Variants in INTS1 observed in about 807,000 individuals in gnomAD.
INTS1 encodes the protein integrator complex subunit 1.
INTS1 carries 137 observed loss-of-function variants against 241.6 expected under a neutral mutation model. The ratio of observed to expected loss-of-function variants is 0.57; its 90% confidence interval spans 0.49 to 0.65. INTS1 has a LOEUF of 0.65. Among genes scored for constraint, INTS1 ranks in the 30% least tolerant of loss-of-function variants. The pLI is 0.00. For synonymous variants in INTS1, 1,692 were observed against 1,337.8 expected (o/e 1.26, Z -5.78); for missense variants, 3,073 against 3,032.2 (o/e 1.01, Z -0.32).
Position 1,480,366 on chromosome 7 carries a change from T to A in INTS1, c.4025A>T (p.Gln1342Leu). 6.2e-7 allele frequency: 1 copy of A among 1,612,220 alleles called. No homozygotes were observed. Among genetic ancestry groups the A allele is most frequent in the South Asian group, 1.1e-5 (1 of 90,938 alleles). The change falls in exon 30 of 48, where the codon CAG becomes CTG. Residue 1342 changes from glutamine (Q) to leucine (L), a missense_variant. Coordinates refer to ENST00000404767, the MANE Select transcript of INTS1 (RefSeq NM_001080453.3). The part of the protein sequence containing the change: ...IGQGRIRVGT[Q>L]LRVLGPEDDL... ...GTCCTCAGGGCCCAGCACCCGGAGCTGGGTCCCCACCCGAATCCGGCCCTG... is the reference window on the plus strand; with the variant it reads ...GTCCTCAGGGCCCAGCACCCGGAGCAGGGTCCCCACCCGAATCCGGCCCTG...
rs185756544 is a variant in INTS1 at position 1,485,298 on chromosome 7, G to A, written c.3148C>T (p.Leu1050=). ...DSVRSTTALA[L]QQAIHMETDP... ...CCGGTCAGCGCCCTCACCTGCTGCA[G>A]GGCCAGGGCTGTGGTGCTCCTGACG... is the stretch of plus-strand genomic sequence containing the variant. The change falls in exon 23 of 48, where the codon CTG becomes TTG. Residue 1050 remains leucine (L), a synonymous_variant. Coordinates refer to ENST00000404767, the MANE Select transcript of INTS1 (RefSeq NM_001080453.3). 6.2e-4 allele frequency: 1,002 copies of A among 1,607,738 alleles called. 4 individuals carry two copies. The highest frequency in any genetic ancestry group is 8.7e-4 in the South Asian group (79 of 90,970).
At position 1,485,590 on chromosome 7, in the gene INTS1, C is replaced by T. The variant is rs541072182; in HGVS notation, c.2977-121G>A. 1.3e-4 allele frequency: 136 copies of T among 1,024,072 alleles called. No homozygotes were observed. In the East Asian group the frequency reaches 3.4e-3, roughly 26 times the overall value. 63.4% of individuals were successfully genotyped at this position (1,024,072 alleles called of 1,614,324 possible). Reference sequence around the variant, plus strand: ...CGAGGAGAATGTGGCGCTTGCTTCCCACGGGAGAGGCCGCAGGTAAAAGGG... The same window carrying T: ...CGAGGAGAATGTGGCGCTTGCTTCCTACGGGAGAGGCCGCAGGTAAAAGGG... On this transcript the variant is annotated intron_variant, in intron 22 of 47. Transcript: ENST00000404767.
In INTS1 at chr7:1,493,439, A is replaced by T. The variant is rs997132745; in HGVS notation, c.2068+315T>A. On this transcript the variant is annotated intron_variant, in intron 15 of 47. Coordinates refer to ENST00000404767, the MANE Select transcript of INTS1 (RefSeq NM_001080453.3). The surrounding 1 kb of genome is among the most constrained non-coding windows in gnomAD (Gnocchi z 5.3). ...CGAGGCGCGAGCTGGATTTACAATC[A>T]TTCTACCTGTCGCCTAAAGGAGGTG... Among the ~76,000 whole-genome samples, 1 of 152,188 alleles carries T rather than the reference A, an allele frequency of 6.6e-6. No homozygotes were observed. Among genetic ancestry groups the T allele is most frequent in the Non-Finnish European group, 1.5e-5 (1 of 68,030 alleles).
At chr7:1,475,459 G>A (rs1781668110) in intron 39 of INTS1, among the ~76,000 whole-genome samples, 1 of 152,086 alleles carries the variant, frequency 6.6e-6, no homozygotes, top group African/African-American at 2.4e-5. Context: ...ACCACAAGCA[G>A]AAATGATTAG....
At position 1,476,062 on chromosome 7, in the gene INTS1, G is replaced by A. The variant is rs183370246; in HGVS notation, c.5388C>T (p.Gly1796=). 6.5e-7 allele frequency: 1 copy of A among 1,543,122 alleles called. No individual in the cohort carries two copies. The highest frequency in any genetic ancestry group is 8.7e-7 in the Non-Finnish European group (1 of 1,146,132). The part of the protein sequence containing the change: ...CIQQWGDSVL[G]RRCRDLLLQL... ...GCAGGAGAAGGTCTCGGCAGCGCCTGCCCAGCACGCTGGAAGAGGTGGAGC... is the reference window on the plus strand; with the variant it reads ...GCAGGAGAAGGTCTCGGCAGCGCCTACCCAGCACGCTGGAAGAGGTGGAGC... The change falls in exon 39 of 48, where the codon GGC becomes GGT. Residue 1796 remains glycine, a synonymous_variant. Transcript: ENST00000404767.
intron 4 of INTS1, 24 bp from the exon 5 acceptor site, chr7:1,500,045 G>C (rs200813555): frequency 3.1e-6 from 5 of 1,610,398 alleles, no homozygotes; most frequent in Non-Finnish European, 4.2e-6. Context: ...CGCATGTCAC[G>C]TGGGAGCTTC....
At chr7:1,474,092 C>T (rs1054226825) in intron 41 of INTS1, 76 bp downstream of exon 41, 53 of 1,439,400 alleles carry the variant, frequency 3.7e-5, no homozygotes, top group Non-Finnish European at 4.6e-5. Context: ...AGTCCCTCCG[C>T]GAGTGGGTGA....
intron 8 of INTS1, 45 bp downstream of exon 8, chr7:1,498,930 G>GCCCCCC: frequency 8.2e-6 from 12 of 1,460,118 alleles, no homozygotes; most frequent in African/African-American, 1.4e-5. Flanking sequence ...CACAGAGCCT[G>GCCCCCC]CCCCCACCCC....
chr7:1,503,875 G>GACCCCCAAAGACCCCCC, intron 2 of INTS1, 28 bp downstream of exon 2: 2 of 1,245,412 alleles, frequency 1.6e-6, no homozygotes, highest in African/African-American at 2.6e-5. Context: ...AAAGACCCCC[G>GACCCCCAAAGACCCCCC]GGCTGCAGAG....
In INTS1 at chr7:1,470,578, C is replaced by G; in HGVS notation, c.6572G>C (p.Ter2191SerextTer41). The G allele has an allele frequency of 6.4e-7, 1 of 1,554,776 alleles. No individual in the cohort carries two copies. The highest frequency in any genetic ancestry group is 8.7e-7 in the Non-Finnish European group (1 of 1,150,166). Residue 2191 changes from the stop codon to serine, a stop_lost, in exon 48 of 48, where the codon TGA becomes TCA. Coordinates refer to ENST00000404767, the MANE Select transcript of INTS1 (RefSeq NM_001080453.3). ...GGAGGGGGGTCGGCTGCCACAGGCT[C>G]ACATCACGGCCTCCATATGCAGGAT... ...LRILHMEAVM[*>S]
chr7:1,491,171 G>A (rs1366858508), intron 16 of INTS1, among the ~76,000 whole-genome samples: 3 of 152,220 alleles, frequency 2.0e-5, no homozygotes, highest in African/African-American at 4.8e-5. Context: ...CAGCCCCAGC[G>A]TCCTAGGTAC....
In INTS1 at chr7:1,497,086, G is replaced by T; in HGVS notation, c.1602+52C>A. ...GGGACCCAGGACGAGGGGGATGGCG[G>T]CGCGTGGAACCCGCAGTGAGGGAAA... On this transcript the variant is annotated intron_variant, in intron 11 of 47. Transcript: ENST00000404767. The surrounding 1 kb of genome is among the most constrained non-coding windows in gnomAD (Gnocchi z 5.3). 2.6e-6 allele frequency: 4 copies of T among 1,515,538 alleles called. No individual in the cohort carries two copies. In the South Asian group the frequency reaches 5.0e-5, roughly 19 times the overall value. 93.9% of individuals were successfully genotyped at this position (1,515,538 alleles called of 1,614,324 possible).
chr7:1,471,679 C>A (rs764276422), intron 44 of INTS1, 38 bp from the exon 45 acceptor site: 16 of 1,601,090 alleles, frequency 1.0e-5, no homozygotes, highest in Non-Finnish European at 1.4e-5. Context: ...ACTGAAGGGC[C>A]CAGGCAGACC....
rs113059849 is a variant in INTS1, at chr7:1,481,207, G to A, written c.3850+135C>T. 9,605 of 1,021,300 alleles carry A rather than the reference G, an allele frequency of 9.4e-3. 398 individuals carry two copies. The African/African-American group carries it at 0.1, about 11-fold the overall frequency. The allele number at this position is 1,021,300 out of a possible 1,614,324, so 63.3% of individuals were successfully genotyped here. ...CAGCCTCACCAACCCACAGGTCTAA[G>A]CCTGCCCTCGAGTGCCACCCACACC... On this transcript the variant is annotated intron_variant, in intron 28 of 47. Coordinates refer to ENST00000404767, the MANE Select transcript of INTS1 (RefSeq NM_001080453.3). The surrounding 1 kb of genome is among the most constrained non-coding windows in gnomAD (Gnocchi z 6.8).
chr7:1,486,254 A>AT (rs887901649), intron 22 of INTS1, among the ~76,000 whole-genome samples: 14 of 145,342 alleles, frequency 9.6e-5, no homozygotes, highest in Non-Finnish European at 2.0e-4. Flanking sequence ...TTACTTCTTT[A>AT]TTTTTCATTT....
chr7:1,494,950 G>A lies in INTS1; in HGVS notation c.1833-57C>T, dbSNP rs375660009. 554 of 1,539,218 alleles carry A rather than the reference G, an allele frequency of 3.6e-4. 1 individual carries two copies. In the African/African-American group the frequency reaches 6.7e-3, roughly 19 times the overall value. ...ATGTGGGTGCTCAGGGACCAGCCCC[G>A]TTAGTTCCAGGGAAGGGACCCCGCT... On this transcript the variant is annotated intron_variant, in intron 13 of 47. Coordinates refer to ENST00000404767, the MANE Select transcript of INTS1 (RefSeq NM_001080453.3).
At position 1,487,426 on chromosome 7, in the gene INTS1, G is replaced by C; in HGVS notation, c.2540C>G (p.Pro847Arg). Residue 847 changes from proline (P) to arginine (R), a missense_variant, in exon 20 of 48, where the codon CCT becomes CGT. By Grantham distance (103) the Pro-to-Arg change is moderately radical. Transcript: ENST00000404767. ...DPQGPPRRPP[P>R]HILDQVKSLN... ...GCTTTTCACTTGATCCAGGATGTGA[G>C]GGGGAGGCCTCCGGGGGGGCCCCCT... The C allele has an allele frequency of 6.2e-7, 1 of 1,611,796 alleles. No individual in the cohort carries two copies. The highest frequency in any genetic ancestry group is 8.5e-7 in the Non-Finnish European group (1 of 1,179,422).
At chr7:1,480,284 C>A (rs1214076313) in intron 30 of INTS1, 33 bp downstream of exon 30, 21 of 1,576,050 alleles carry the variant, frequency 1.3e-5, no homozygotes, top group Non-Finnish European at 1.6e-5. Flanking sequence ...AGAGGGGCTG[C>A]AGGTGGAGAC....
chr7:1,484,044 G>A lies in INTS1; in HGVS notation c.3388C>T (p.Arg1130Cys), dbSNP rs200026887. 1,014 of 1,611,644 alleles carry A rather than the reference G, an allele frequency of 6.3e-4. 1 individual carries two copies. Among genetic ancestry groups the A allele is most frequent in the Non-Finnish European group, 7.9e-4 (928 of 1,179,388 alleles). The change falls in exon 25 of 48, where the codon CGC becomes TGC. Residue 1130 changes from arginine to cysteine, a missense_variant. Transcript: ENST00000404767. The part of the protein sequence containing the change: ...LLSIFSRYVR[R>C]MRQSKEGEEV... ...TCGCCCTCCTTGCTCTGCCGCATGC[G>A]CCTCACGTAGCGTGAGAAGATGGAC...
Sources: allele counts gnomAD v4.1 joint callset (sites outside exome capture counted in the v4.1 genomes callset), GRCh38; gene constraint gnomAD v4.1.1; non-coding constraint Gnocchi (gnomAD v3.1); transcripts MANE v1.5; gene names NCBI Gene and HGNC (gene_info 2026-07-23, HGNC 2026-07-21).